TTC27: variants seen among roughly 807,000 people sequenced by gnomAD.
TTC27 encodes tetratricopeptide repeat protein 27.
TTC27 carries 79 observed loss-of-function variants against 115.9 expected under a neutral mutation model. The ratio of observed to expected loss-of-function variants is 0.68; its 90% CI spans 0.57 to 0.82. The LOEUF (loss-of-function observed/expected upper bound fraction) is 0.82. TTC27 is among the 40% of genes least tolerant of loss of function. TTC27 has a pLI of 0.00. For missense variants in TTC27, 1,054 were observed against 993.1 expected (o/e 1.06, Z -0.82); for synonymous variants, 401 against 356.0 (o/e 1.13, Z -1.42).
At chr2:32,711,116 C>CAAAAAAAAAAAAAAA (rs34140897) in intron 10 of TTC27, among the ~76,000 whole-genome samples, 2 of 59,932 alleles carry the variant, frequency 3.3e-5, no homozygotes, top group East Asian at 5.8e-4. Flanking sequence ...GACTCTGTCT[C>CAAAAAAAAAAAAAAA]AAAAAAAAAA....
In TTC27 at chr2:32,630,006, G is replaced by T. The variant is rs558670776; in HGVS notation, c.89-517G>T. On this transcript the variant is annotated intron_variant, in intron 1 of 19. Coordinates refer to ENST00000317907, the MANE Select transcript of TTC27 (RefSeq NM_017735.5). ...AGAAGTTAGACTTGAGCTGATTTTG[G>T]ATTAAAGGGTAAGACTAACAAGTGG... Among the ~76,000 whole-genome samples the T allele has an allele frequency of 6.6e-5, 10 of 152,260 alleles. No homozygotes were observed. In the South Asian group the frequency reaches 1.9e-3, roughly 28 times the overall value.
In TTC27 at chr2:32,665,418, A is replaced by G. The variant is rs556733897; in HGVS notation, c.805+951A>G. Among the ~76,000 whole-genome samples, 12 of 152,280 alleles carry G rather than the reference A, an allele frequency of 7.9e-5. No homozygotes were observed. In the South Asian group the frequency reaches 2.5e-3, roughly 32 times the overall value. The stretch of plus-strand genomic sequence containing the variant: ...AGAAGTTATGTTTTTAAATATTTTG[A>G]TTCTAGGAGGCTTTTTTGGGACTAT... On this transcript the variant is annotated intron_variant, in intron 6 of 19. Transcript: ENST00000317907.
intron 10 of TTC27, among the ~76,000 whole-genome samples, chr2:32,725,080 G>A (rs1301488286): frequency 1.3e-5 from 2 of 152,158 alleles, no homozygotes; most frequent in East Asian, 3.9e-4. Flanking sequence ...TGCCCCACAT[G>A]ATTCAGTTAC....
At chr2:32,731,826 A>G (rs1299102047) in intron 10 of TTC27, among the ~76,000 whole-genome samples, 1 of 152,164 alleles carries the variant, frequency 6.6e-6, no homozygotes, top group Non-Finnish European at 1.5e-5. Context: ...GACACTTAAA[A>G]ACTCCAAAAG....
chr2:32,810,063 T>G (rs1043153518), intron 16 of TTC27, among the ~76,000 whole-genome samples: 1 of 146,468 alleles, frequency 6.8e-6, no homozygotes, highest in Non-Finnish European at 1.5e-5. Context: ...GTTGTGGTGC[T>G]GAGATCATAC....
chr2:32,817,000 C>T (rs1402712278), intron 18 of TTC27, among the ~76,000 whole-genome samples: 2 of 152,074 alleles, frequency 1.3e-5, no homozygotes, highest in African/African-American at 2.4e-5. Flanking sequence ...CGAATGCATG[C>T]GTGTATATGT....
chr2:32,778,265 G>C (rs944954485), intron 14 of TTC27, among the ~76,000 whole-genome samples: 1 of 152,122 alleles, frequency 6.6e-6, no homozygotes, highest in Non-Finnish European at 1.5e-5. Flanking sequence ...AGTATGTCCT[G>C]CCTATGTTAA....
chr2:32,703,484 A>AATG (rs1422714545), intron 10 of TTC27, among the ~76,000 whole-genome samples: 1 of 152,184 alleles, frequency 6.6e-6, no homozygotes, highest in African/African-American at 2.4e-5. Context: ...TAATAATAAT[A>AATG]ATGGCACTTA....
chr2:32,689,537 C>G (rs1231866485), intron 9 of TTC27, among the ~76,000 whole-genome samples: 1 of 152,136 alleles, frequency 6.6e-6, no homozygotes, highest in East Asian at 1.9e-4. Context: ...ATGAAGTTTA[C>G]TGCTTTTCTG....
intron 2 of TTC27, among the ~76,000 whole-genome samples, chr2:32,631,162 G>A (rs1233760200): frequency 6.6e-6 from 1 of 152,124 alleles, no homozygotes; most frequent in African/African-American, 2.4e-5. Flanking sequence ...AATTAGCTGG[G>A]CATGGTGGCA....
chr2:32,740,922 T>C (rs1450567486), intron 12 of TTC27, among the ~76,000 whole-genome samples: 1 of 152,186 alleles, frequency 6.6e-6, no homozygotes, highest in East Asian at 1.9e-4. Context: ...CCCAAAGTGC[T>C]GGGATTACAG....
chr2:32,672,534 C>A, intron 8 of TTC27, 150 bp downstream of exon 8: 1 of 549,790 alleles, frequency 1.8e-6, no homozygotes, highest in Non-Finnish European at 3.2e-6. Context: ...ACTTGGAGAA[C>A]CAATTAAAGG....
intron 2 of TTC27, 42 bp from the exon 3 acceptor site, chr2:32,633,834 A>G (rs780323014): frequency 1.9e-6 from 3 of 1,590,792 alleles, no homozygotes; most frequent in Middle Eastern, 1.7e-4. Context: ...TTATACAGTG[A>G]TAGTAGTTCA....
At chr2:32,693,035 C>T (rs139249762) in intron 9 of TTC27, among the ~76,000 whole-genome samples, 2,570 of 151,518 alleles carry the variant, frequency 0.017, 38 homozygotes, top group Middle Eastern at 0.028. Flanking sequence ...TGTAAATAAA[C>T]GGAGTGATAC....
In TTC27 at chr2:32,780,709, G is replaced by A. The variant is rs77536831; in HGVS notation, c.1780-1917G>A. Reference sequence around the variant, plus strand: ...CCTGCCTCAGCCTCCCAAAGTGATGGGATTACAGATGTGAGCCACTGTGCC... The same window carrying A: ...CCTGCCTCAGCCTCCCAAAGTGATGAGATTACAGATGTGAGCCACTGTGCC... On this transcript the variant is annotated intron_variant, in intron 14 of 19. Coordinates refer to ENST00000317907, the MANE Select transcript of TTC27 (RefSeq NM_017735.5). 7.3e-3 allele frequency among the ~76,000 whole-genome samples: 1,108 copies of A among 152,214 alleles called. 14 individuals carry two copies. The highest frequency in any genetic ancestry group is 0.025 in the African/African-American group (1,057 of 41,538).
At chr2:32,705,570 A>C (rs1447630159) in intron 10 of TTC27, among the ~76,000 whole-genome samples, 1 of 152,112 alleles carries the variant, frequency 6.6e-6, no homozygotes, top group East Asian at 1.9e-4. Flanking sequence ...TTCTTCTTAG[A>C]GACAGGGTCT....
intron 16 of TTC27, among the ~76,000 whole-genome samples, chr2:32,791,392 G>C (rs1260180494): frequency 6.6e-6 from 1 of 152,120 alleles, no homozygotes; most frequent in Admixed American, 6.5e-5. Context: ...GAAGGAAAGG[G>C]GATTAATATA....
chr2:32,726,551 T>C (rs887067838), intron 10 of TTC27, among the ~76,000 whole-genome samples: 2 of 152,190 alleles, frequency 1.3e-5, no homozygotes, highest in Non-Finnish European at 2.9e-5. Flanking sequence ...CTGAGTTTCA[T>C]TGTCCATATC....
intron 9 of TTC27, among the ~76,000 whole-genome samples, chr2:32,694,156 A>T (rs1666905754): frequency 6.6e-6 from 1 of 152,214 alleles, no homozygotes; most frequent in Non-Finnish European, 1.5e-5. Flanking sequence ...AAATTTTCTT[A>T]GCATTTCTAA....
Sources: allele counts gnomAD v4.1 joint callset (sites outside exome capture counted in the v4.1 genomes callset), GRCh38; gene constraint gnomAD v4.1.1; transcripts MANE v1.5; gene names NCBI Gene and HGNC (gene_info 2026-07-23, HGNC 2026-07-21).